The following EYS variants were observed in gnomAD, a reference collection of about 807,000 sequenced individuals.
EYS encodes protein eyes shut homolog.
Under a neutral mutation model 282.1 loss-of-function variants are expected in EYS, and 250 were observed. The observed-to-expected ratio is 0.89, with a 90% CI of 0.80 to 0.98. EYS has a LOEUF of 0.98. EYS is among the 50% of genes least tolerant of loss of function. The pLI, the probability that EYS is intolerant of heterozygous loss-of-function variation, is 0.00. For synonymous variants in EYS, 1,355 were observed against 1,282.9 expected (o/e 1.06, Z -1.20); for missense variants, 4,016 against 3,709.0 (o/e 1.08, Z -2.15).
rs1021626900 is a variant in EYS at position 64,289,740 on chromosome 6, T to G, written c.6191+17230A>C. Among the ~76,000 whole-genome samples, 3 of 152,024 alleles carry G rather than the reference T, an allele frequency of 2.0e-5. No individual in the cohort carries two copies. The South Asian group carries it at 6.2e-4, about 31-fold the overall frequency. ...GTAGTAGTAAAAGGTCAATATATAT[T>G]TACTGTGAATAAATGAATGAATGAA... On this transcript the variant is annotated intron_variant, in intron 30 of 42. Transcript: ENST00000503581.
intron 29 of EYS, among the ~76,000 whole-genome samples, chr6:64,372,310 T>C (rs1474749212): frequency 1.3e-5 from 2 of 152,120 alleles, no homozygotes; most frequent in African/African-American, 2.4e-5. Context: ...TTACTTTGGC[T>C]GAATATGAAA....
chr6:64,502,336 G>T (rs932463735), intron 26 of EYS, among the ~76,000 whole-genome samples: 1 of 152,038 alleles, frequency 6.6e-6, no homozygotes, highest in Non-Finnish European at 1.5e-5. Flanking sequence ...CGCCTCCGGG[G>T]TTCTCGTCAT....
chr6:64,793,869 A>T (rs893621557), intron 22 of EYS, among the ~76,000 whole-genome samples: 4 of 152,152 alleles, frequency 2.6e-5, no homozygotes, highest in African/African-American at 9.7e-5. Context: ...ATTTTTAAGC[A>T]TACAGCCCAG....
At chr6:64,438,339 C>G (rs1480376907) in intron 27 of EYS, among the ~76,000 whole-genome samples, 1 of 151,460 alleles carries the variant, frequency 6.6e-6, no homozygotes, top group Non-Finnish European at 1.5e-5. Context: ...TTTTAAAATA[C>G]AAAAATACAT....
At chr6:64,134,951 A>T (rs1037898873) in intron 31 of EYS, among the ~76,000 whole-genome samples, 2 of 152,124 alleles carry the variant, frequency 1.3e-5, no homozygotes, top group African/African-American at 4.8e-5. Flanking sequence ...AAATGTTCAT[A>T]ACTAGTAAGA....
intron 31 of EYS, among the ~76,000 whole-genome samples, chr6:64,141,875 ACT>A (rs1026449281): frequency 3.3e-5 from 5 of 151,962 alleles, no homozygotes; most frequent in African/African-American, 7.3e-5. Context: ...TCTCCAGTAC[ACT>A]CTCTCCCCCA....
intron 26 of EYS, among the ~76,000 whole-genome samples, chr6:64,536,402 G>A (rs1017288145): frequency 6.6e-6 from 1 of 152,068 alleles, no homozygotes; most frequent in African/African-American, 2.4e-5. Context: ...ATTCAGTGAT[G>A]GTAACTTCAC....
chr6:65,701,280 A>G (rs1769663947), intron 1 of EYS, among the ~76,000 whole-genome samples: 1 of 152,208 alleles, frequency 6.6e-6, no homozygotes. Flanking sequence ...ACGAATGTCT[A>G]TTTTACTCCT....
chr6:64,895,378 CCT>C (rs1010443401), intron 18 of EYS, among the ~76,000 whole-genome samples: 30 of 152,192 alleles, frequency 2.0e-4, no homozygotes, highest in African/African-American at 7.0e-4. Flanking sequence ...TTTTGAAAGA[CCT>C]AAATAAATAG....
chr6:64,827,962 G>A, intron 19 of EYS, among the ~76,000 whole-genome samples: 1 of 151,754 alleles, frequency 6.6e-6, no homozygotes, highest in East Asian at 1.9e-4. Flanking sequence ...GAAATTATCA[G>A]AGAAGGAATT....
At chr6:63,821,020 AAAT>A (rs1224687132) in intron 36 of EYS, among the ~76,000 whole-genome samples, 1 of 152,116 alleles carries the variant, frequency 6.6e-6, no homozygotes, top group African/African-American at 2.4e-5. Flanking sequence ...TGTAATCCAT[AAAT>A]AATATAATTT....
intron 29 of EYS, among the ~76,000 whole-genome samples, chr6:64,345,055 C>A (rs1561942273): frequency 1.3e-5 from 2 of 152,048 alleles, no homozygotes; most frequent in Non-Finnish European, 2.9e-5. Flanking sequence ...AAAGAGGATA[C>A]AAACAAATGG....
At chr6:64,519,682 AAAAGGTT>A (rs1777670194) in intron 26 of EYS, among the ~76,000 whole-genome samples, 2 of 151,814 alleles carry the variant, frequency 1.3e-5, no homozygotes, top group Admixed American at 1.3e-4. Context: ...GGAGGATGTG[AAAAGGTT>A]AACATCAGAG....
intron 12 of EYS, among the ~76,000 whole-genome samples, chr6:65,104,185 C>T (rs73765761): frequency 6.6e-6 from 1 of 151,374 alleles, no homozygotes; most frequent in Non-Finnish European, 1.5e-5. Flanking sequence ...ACACTATCAT[C>T]ACTTCCAATG....
chr6:65,368,852 A>T (rs1765018793), intron 8 of EYS, among the ~76,000 whole-genome samples: 1 of 151,594 alleles, frequency 6.6e-6, no homozygotes, highest in Non-Finnish European at 1.5e-5. Context: ...TCAGAGAGCC[A>T]TTGAGAAATA....
At position 63,960,234 on chromosome 6, in the gene EYS, T is replaced by A. The variant is rs557796154; in HGVS notation, c.7055+24149A>T. ...TTGATTACAATCCATGTGGATGACT[T>A]TGAGGGTTCGGGACTTCAGTGGAAC... On this transcript the variant is annotated intron_variant, in intron 35 of 42. Coordinates refer to ENST00000503581, the MANE Select transcript of EYS (RefSeq NM_001142800.2). 3.9e-5 allele frequency among the ~76,000 whole-genome samples: 6 copies of A among 152,190 alleles called. No homozygotes were observed. The South Asian group carries it at 6.2e-4, about 16-fold the overall frequency.
chr6:64,818,405 C>G (rs72648374), intron 21 of EYS, among the ~76,000 whole-genome samples: 6 of 151,924 alleles, frequency 3.9e-5, no homozygotes, highest in African/African-American at 1.5e-4. Flanking sequence ...AGAAACAGGA[C>G]GAATAGGATA....
At chr6:65,153,429 G>A (rs1474650249) in intron 12 of EYS, among the ~76,000 whole-genome samples, 2 of 150,138 alleles carry the variant, frequency 1.3e-5, no homozygotes, top group African/African-American at 2.5e-5. Flanking sequence ...CACTAAATGC[G>A]TGGTAATATT....
intron 36 of EYS, among the ~76,000 whole-genome samples, chr6:63,847,988 T>C (rs189391021): frequency 1.3e-4 from 20 of 152,338 alleles, no homozygotes; most frequent in African/African-American, 4.8e-4. Context: ...CCGAGTGATA[T>C]ATACATAATG....
Sources: gnomAD v4.1 joint callset for allele counts (sites outside exome capture counted in the v4.1 genomes callset) on GRCh38, gnomAD v4.1.1 for gene constraint, MANE v1.5 for transcripts, NCBI Gene and HGNC (gene_info 2026-07-23, HGNC 2026-07-21) for gene names.